The following KLHDC1 variants were observed in gnomAD, a reference collection of about 807,000 sequenced individuals.
KLHDC1 encodes kelch domain-containing protein 1.
A neutral mutation model predicts 68.3 loss-of-function variants in KLHDC1; 53 were observed. The ratio of observed to expected loss-of-function variants is 0.78; its 90% CI spans 0.62 to 0.98. KLHDC1 has a LOEUF of 0.98. Among genes scored for constraint, KLHDC1 ranks in the 50% least tolerant of loss-of-function variants. The pLI is 0.00. For synonymous variants in KLHDC1, 148 were observed against 159.0 expected (o/e 0.93, Z 0.52); for missense variants, 470 against 492.3 (o/e 0.95, Z 0.43).
At chr14:49,697,438 A>C (rs1466539839) in intron 1 of KLHDC1, among the ~76,000 whole-genome samples, 1 of 152,240 alleles carries the variant, frequency 6.6e-6, no homozygotes, top group Admixed American at 6.5e-5. Context: ...TCACCATAAC[A>C]GATATAATAA....
At chr14:49,693,732 A>ATTTTATTTTCT (rs1566589115) in intron 1 of KLHDC1, among the ~76,000 whole-genome samples, 1 of 78,966 alleles carries the variant, frequency 1.3e-5, no homozygotes, top group Non-Finnish European at 2.8e-5. Flanking sequence ...TTAAATATTT[A>ATTTTATTTTCT]TTTTCTTTTC....
At chr14:49,705,000 AG>A (rs1476095298) in intron 1 of KLHDC1, among the ~76,000 whole-genome samples, 1 of 152,138 alleles carries the variant, frequency 6.6e-6, no homozygotes, top group African/African-American at 2.4e-5. Flanking sequence ...AGAACTTCAA[AG>A]GGAAAGTACA....
At chr14:49,729,450 GA>G (rs1566612766) in intron 7 of KLHDC1, 39 bp from the exon 8 acceptor site, 1 of 1,374,738 alleles carries the variant, frequency 7.3e-7, no homozygotes, top group South Asian at 1.2e-5. Context: ...GCTGATAAAA[GA>G]TGTGAAATAC....
chr14:49,751,447 T>C (rs1889318187), intron 12 of KLHDC1, 139 bp from the exon 13 acceptor site: 2 of 428,252 alleles, frequency 4.7e-6, no homozygotes, highest in Non-Finnish European at 8.1e-6. Context: ...TACTATGTAC[T>C]GACAAAAATT....
intron 1 of KLHDC1, among the ~76,000 whole-genome samples, chr14:49,694,547 G>A (rs1887676711): frequency 6.6e-6 from 1 of 151,852 alleles, no homozygotes; most frequent in Non-Finnish European, 1.5e-5. Context: ...ATAGTATTAT[G>A]TGTAAAAAAA....
intron 1 of KLHDC1, among the ~76,000 whole-genome samples, chr14:49,693,535 C>G (rs1213258504): frequency 6.6e-6 from 1 of 151,872 alleles, no homozygotes; most frequent in East Asian, 1.9e-4. Flanking sequence ...CTCTCCGCCC[C>G]TCTTTGCCAG....
At position 49,717,902 on chromosome 14, in the gene KLHDC1, G is replaced by C. The variant is rs1172212045; in HGVS notation, c.405-5972G>C. Among the ~76,000 whole-genome samples, 6 of 151,920 alleles carry C rather than the reference G, an allele frequency of 3.9e-5. 1 individual carries two copies. In the East Asian group the frequency reaches 1.2e-3, roughly 29 times the overall value. On this transcript the variant is annotated intron_variant, in intron 4 of 12. Transcript: ENST00000359332. ...ATATAATTTATTTTTGTTTTTATAA[G>C]AGTCAGGGTCTTTCTTTGTTACCCA...
At chr14:49,705,611 T>C (rs1888031420) in intron 1 of KLHDC1, among the ~76,000 whole-genome samples, 1 of 151,982 alleles carries the variant, frequency 6.6e-6, no homozygotes, top group Non-Finnish European at 1.5e-5. Context: ...CCTTGTGATC[T>C]GTTCGCCTCA....
intron 6 of KLHDC1, among the ~76,000 whole-genome samples, chr14:49,728,447 C>T (rs1029268376): frequency 4.6e-5 from 7 of 152,310 alleles, no homozygotes; most frequent in Non-Finnish European, 8.8e-5. Context: ...CTGGCTTAAG[C>T]CAAGAGTGAA....
At chr14:49,737,537 A>C (rs1888956900) in intron 10 of KLHDC1, among the ~76,000 whole-genome samples, 1 of 152,156 alleles carries the variant, frequency 6.6e-6, no homozygotes, top group Admixed American at 6.5e-5. Context: ...TAATTGTTTT[A>C]GGTATCTGTT....
Position 49,752,275 on chromosome 14 carries a change from G to C in KLHDC1, c.*503G>C, listed in dbSNP as rs1167994442. The C allele has an allele frequency of 6.6e-6, 1 of 152,232 alleles. No homozygotes were observed. Among genetic ancestry groups the C allele is most frequent in the African/African-American group, 2.4e-5 (1 of 41,390 alleles). The allele number at this position is 152,232 out of a possible 1,614,324, so 9.4% of individuals were successfully genotyped here. A position where few individuals can be genotyped will look rare whatever the true frequency, so the allele number is the denominator to read the frequency against. ...TATAAAATAGGCAAACACCAAAATG[G>C]TATTAAATATTGAACTCCTGACCTT... On this transcript the variant is annotated 3_prime_UTR_variant, in exon 13 of 13. Coordinates refer to ENST00000359332, the MANE Select transcript of KLHDC1 (RefSeq NM_172193.3).
intron 5 of KLHDC1, among the ~76,000 whole-genome samples, chr14:49,724,696 A>G (rs991818796): frequency 5.3e-5 from 8 of 152,214 alleles, no homozygotes; most frequent in Admixed American, 3.9e-4. Context: ...ATTGCTGAGA[A>G]TTTTCAGGAA....
intron 1 of KLHDC1, chr14:49,708,579 C>A (rs8005813): frequency 0.89 from 136,107 of 152,152 alleles, 62,789 homozygotes; most frequent in Non-Finnish European, 1. Context: ...TAGAGATTAT[C>A]CAAGTTCTGA....
chr14:49,695,892 G>A (rs1050156076), intron 1 of KLHDC1, among the ~76,000 whole-genome samples: 3 of 151,896 alleles, frequency 2.0e-5, no homozygotes, highest in Non-Finnish European at 4.4e-5. Flanking sequence ...GTGAAACCCC[G>A]TCTCTACTAA....
In KLHDC1 at chr14:49,700,809, A is replaced by G. The variant is rs1185701325; in HGVS notation, c.96+7519A>G. On this transcript the variant is annotated intron_variant, in intron 1 of 12. Transcript: ENST00000359332. ...AGGAATTATGGAAACAGCCGGGCAC[A>G]GTGGCTCACGCCTGTAATCCCAGCA... Among the ~76,000 whole-genome samples, 4 of 152,142 alleles carry G rather than the reference A, an allele frequency of 2.6e-5. No individual in the cohort carries two copies. In the East Asian group the frequency reaches 5.8e-4, roughly 22 times the overall value.
At chr14:49,709,855 G>A (rs766270732) in intron 3 of KLHDC1, 29 bp downstream of exon 3, 2 of 1,148,840 alleles carry the variant, frequency 1.7e-6, no homozygotes, top group South Asian at 1.4e-5. Context: ...CAAGAGTGCA[G>A]CAAAATGTAA....
chr14:49,718,323 C>G (rs575093783), intron 4 of KLHDC1, among the ~76,000 whole-genome samples: 1 of 152,256 alleles, frequency 6.6e-6, no homozygotes, highest in East Asian at 1.9e-4. Flanking sequence ...CACCTTTGCC[C>G]AGGCAGGAGT....
rs528532442 is a variant in KLHDC1 at position 49,742,809 on chromosome 14, G to T, written c.982-944G>T. On this transcript the variant is annotated intron_variant, in intron 11 of 12. Transcript: ENST00000359332. ...AGCTTAAAAACAAAAAAAGTGCCAG[G>T]CGTGGTGGCTCATACCTGTAATCCC... 1.2e-3 allele frequency among the ~76,000 whole-genome samples: 181 copies of T among 152,152 alleles called. 1 individual carries two copies. The highest frequency in any genetic ancestry group is 2.1e-3 in the Non-Finnish European group (146 of 67,964).
At chr14:49,746,223 G>A (rs1305480238) in intron 12 of KLHDC1, among the ~76,000 whole-genome samples, 3 of 152,328 alleles carry the variant, frequency 2.0e-5, no homozygotes, top group South Asian at 2.1e-4. Context: ...CGTGCTAAGT[G>A]TTTATGGGAA....
Sources: gnomAD v4.1 joint callset for allele counts (sites outside exome capture counted in the v4.1 genomes callset) on GRCh38, gnomAD v4.1.1 for gene constraint, MANE v1.5 for transcripts, NCBI Gene and HGNC (gene_info 2026-07-23, HGNC 2026-07-21) for gene names.